The following IL34 variants were observed in gnomAD, a reference collection of about 807,000 sequenced individuals.
The protein encoded by IL34 is interleukin-34.
A neutral mutation model predicts 25.3 loss-of-function variants in IL34; 17 were observed. That is an observed-to-expected ratio of 0.67 (90% CI 0.46 to 1.01). The LOEUF is 1.01. Among genes scored for constraint, IL34 ranks in the 50% least tolerant of loss-of-function variants. The probability of loss-of-function intolerance (pLI) is 0.00; values close to 1 mark genes in which losing one functional copy is unlikely to be tolerated. For missense variants in IL34, 368 were observed against 312.9 expected (o/e 1.18, Z -1.33); for synonymous variants, 174 against 140.9 (o/e 1.23, Z -1.66).
intron 1 of IL34, among the ~76,000 whole-genome samples, chr16:70,588,129 C>T (rs1215798773): frequency 6.6e-6 from 1 of 152,046 alleles, no homozygotes; most frequent in Non-Finnish European, 1.5e-5. Context: ...GGTGCAGCTG[C>T]TGTGGAAACT....
At chr16:70,608,716 C>G (rs1047750151) in intron 1 of IL34, among the ~76,000 whole-genome samples, 27 of 152,252 alleles carry the variant, frequency 1.8e-4, no homozygotes, top group African/African-American at 6.0e-4. Flanking sequence ...CTTCCCACAG[C>G]AGGTTCAGGT....
At chr16:70,614,024 A>T (rs939111615) in intron 1 of IL34, among the ~76,000 whole-genome samples, 1 of 144,698 alleles carries the variant, frequency 6.9e-6, no homozygotes, top group African/African-American at 2.6e-5. Context: ...TTTGTCTCTT[A>T]AAAAAAAAAA....
chr16:70,583,899 A>T (rs1039320800), intron 1 of IL34, among the ~76,000 whole-genome samples: 17 of 151,548 alleles, frequency 1.1e-4, no homozygotes, highest in African/African-American at 4.1e-4. Context: ...CGATCCACCC[A>T]CCTCGACCTC....
chr16:70,626,522 G>A (rs946514878), intron 1 of IL34, among the ~76,000 whole-genome samples: 8 of 151,862 alleles, frequency 5.3e-5, no homozygotes, highest in Non-Finnish European at 7.4e-5. Flanking sequence ...TCAGCCTCCC[G>A]AGTAGCTGGG....
At chr16:70,636,629 A>AC (rs1567456721) in intron 1 of IL34, among the ~76,000 whole-genome samples, 12 of 143,968 alleles carry the variant, frequency 8.3e-5, no homozygotes, top group African/African-American at 3.2e-4. Context: ...ACACACACAC[A>AC]AAATTAGCTG....
At chr16:70,580,926 T>C (rs562220013) in intron 1 of IL34, among the ~76,000 whole-genome samples, 1 of 152,198 alleles carries the variant, frequency 6.6e-6, no homozygotes, top group African/African-American at 2.4e-5. Flanking sequence ...ATTTTTTTTT[T>C]TTTGAGATGG....
At chr16:70,629,215 T>C (rs2051463676) in intron 1 of IL34, among the ~76,000 whole-genome samples, 4 of 152,240 alleles carry the variant, frequency 2.6e-5, no homozygotes, top group Admixed American at 2.6e-4. Context: ...TGTAATTGCA[T>C]TGGCTATTAC....
At chr16:70,604,479 C>T (rs867201367) in intron 1 of IL34, among the ~76,000 whole-genome samples, 1 of 152,208 alleles carries the variant, frequency 6.6e-6, no homozygotes, top group Non-Finnish European at 1.5e-5. Flanking sequence ...AAACCAAAAC[C>T]AGGCATCCAG....
rs7190667 is a variant in IL34 at position 70,635,069 on chromosome 16, C to T, written c.-400-11479C>T. 5.4e-3 allele frequency among the ~76,000 whole-genome samples: 828 copies of T among 152,228 alleles called. 4 individuals are homozygous for T. Among genetic ancestry groups the T allele is most frequent in the African/African-American group, 0.019 (781 of 41,530 alleles). On this transcript the variant is annotated intron_variant, in intron 1 of 6. Coordinates refer to the IL34 transcript ENST00000429149. ...GCAGCAATAGGCATTCTTGGTCATT[C>T]GTCTTATGGCCATAGAGTTTGATTT...
At chr16:70,632,754 G>T (rs1330532767) in intron 1 of IL34, among the ~76,000 whole-genome samples, 1 of 152,040 alleles carries the variant, frequency 6.6e-6, no homozygotes. Context: ...CTATGGGGAG[G>T]GATCTGTCTG....
In IL34 at chr16:70,659,601, T is replaced by A. The variant is rs112537035; in HGVS notation, c.403-17T>A. ...GCCCCATCTCGCCACCGCTCCTGACTGTTTCCTCCTTTCCAGGATGTGGAG... is the reference window on the plus strand; with the variant it reads ...GCCCCATCTCGCCACCGCTCCTGACAGTTTCCTCCTTTCCAGGATGTGGAG... On this transcript the variant is annotated splice_polypyrimidine_tract_variant and intron_variant, in intron 4 of 5. Transcript: ENST00000288098. The A allele has an allele frequency of 3.9e-5, 63 of 1,595,738 alleles. No individual in the cohort carries two copies. Among genetic ancestry groups the A allele is most frequent in the Middle Eastern group, 1.9e-4 (1 of 5,146 alleles).
intron 4 of IL34, chr16:70,657,502 A>C (rs2052262623): frequency 5.5e-6 from 1 of 181,152 alleles, no homozygotes; most frequent in African/African-American, 2.4e-5. Flanking sequence ...GGGCAGTAAA[A>C]CATGCTGCAG....
intron 1 of IL34, among the ~76,000 whole-genome samples, chr16:70,613,704 T>C (rs962434553): frequency 1.3e-5 from 2 of 151,766 alleles, no homozygotes; most frequent in Admixed American, 6.6e-5. Context: ...TGAAACCCTA[T>C]CTCTACTAAA....
intron 4 of IL34, among the ~76,000 whole-genome samples, chr16:70,657,716 A>C (rs1269057289): frequency 2.0e-5 from 3 of 152,206 alleles, no homozygotes; most frequent in African/African-American, 4.8e-5. Context: ...CAGAGGTTGC[A>C]GTGAGCTGAG....
intron 1 of IL34, among the ~76,000 whole-genome samples, chr16:70,635,193 T>C (rs2051613802): frequency 6.6e-6 from 1 of 152,184 alleles, no homozygotes; most frequent in South Asian, 2.1e-4. Context: ...CAATCCCAGC[T>C]TATACTCTCA....
At chr16:70,659,586 G>C (rs765373861) in intron 4 of IL34, 32 bp from the exon 5 acceptor site, 1 of 1,578,322 alleles carries the variant, frequency 6.3e-7, no homozygotes, top group African/African-American at 1.3e-5. Context: ...GCCCCATCTC[G>C]CCACCGCTCC....
intron 1 of IL34, among the ~76,000 whole-genome samples, chr16:70,605,954 G>C (rs945083103): frequency 6.8e-6 from 1 of 147,298 alleles, no homozygotes; most frequent in South Asian, 2.2e-4. Context: ...TTACAGGCGT[G>C]AGCCACCGCA....
chr16:70,609,909 A>T (rs979068535), intron 1 of IL34, among the ~76,000 whole-genome samples: 1 of 152,192 alleles, frequency 6.6e-6, no homozygotes, highest in Non-Finnish European at 1.5e-5. Context: ...CACCATTTAA[A>T]ATGTGAATGT....
Position 70,656,300 on chromosome 16 carries a change from G to A in IL34, c.163-302G>A, listed in dbSNP as rs143565743. Among the ~76,000 whole-genome samples, 66 of 152,250 alleles carry A rather than the reference G, an allele frequency of 4.3e-4. No homozygotes were observed. In the East Asian group the frequency reaches 0.012, roughly 27 times the overall value. ...ACCTATAACCCCAGCACTTTGAGGG[G>A]CTTGAGCCCGGGATTCAAGACCAGC... On this transcript the variant is annotated intron_variant, in intron 2 of 5. Transcript: ENST00000288098.
Sources: gnomAD v4.1 joint callset for allele counts (sites outside exome capture counted in the v4.1 genomes callset) on GRCh38, gnomAD v4.1.1 for gene constraint, MANE v1.5 for transcripts, NCBI Gene and HGNC (gene_info 2026-07-23, HGNC 2026-07-21) for gene names.